Variants in DOK6 observed in about 807,000 individuals in gnomAD.
The protein encoded by DOK6 is docking protein 6.
Under a neutral mutation model 44.0 loss-of-function variants are expected in DOK6, and 22 were observed. That is an observed-to-expected ratio of 0.50 (90% CI 0.36 to 0.71). The LOEUF is 0.71. Among genes scored for constraint, DOK6 ranks in the 30% least tolerant of loss-of-function variants. The pLI is 0.00. For missense variants in DOK6, 340 were observed against 416.4 expected (o/e 0.82, Z 1.60); for synonymous variants, 166 against 145.5 (o/e 1.14, Z -1.01).
At chr18:69,625,036 A>G (rs981395314) in intron 3 of DOK6, among the ~76,000 whole-genome samples, 1 of 152,156 alleles carries the variant, frequency 6.6e-6, no homozygotes, top group Non-Finnish European at 1.5e-5. Flanking sequence ...CACATTCTAG[A>G]ACAACTTGAC....
chr18:69,606,672 G>T (rs371868132), intron 3 of DOK6, among the ~76,000 whole-genome samples: 1 of 150,874 alleles, frequency 6.6e-6, no homozygotes, highest in Non-Finnish European at 1.5e-5. Flanking sequence ...TAGGACAAAC[G>T]AATTCAGTGA....
intron 5 of DOK6, chr18:69,704,997 T>A (rs777243492): frequency 6.6e-6 from 1 of 152,214 alleles, no homozygotes; most frequent in South Asian, 2.1e-4. Context: ...AGGGTCTTTA[T>A]CCAGAATTAA....
At chr18:69,613,098 T>C (rs1984201688) in intron 3 of DOK6, among the ~76,000 whole-genome samples, 2 of 152,186 alleles carry the variant, frequency 1.3e-5, no homozygotes, top group Admixed American at 1.3e-4. Context: ...CTCGAACTCC[T>C]GGGCTCAAGC....
chr18:69,719,173 T>G (rs563484796), intron 5 of DOK6, among the ~76,000 whole-genome samples: 4 of 152,290 alleles, frequency 2.6e-5, no homozygotes, highest in African/African-American at 9.6e-5. Flanking sequence ...CAAACCTGCC[T>G]CTCCAAGAGT....
chr18:69,841,791 G>T lies in DOK6; in HGVS notation c.*408G>T, dbSNP rs1418884187. The T allele has an allele frequency of 1.2e-5, 2 of 166,014 alleles. No homozygotes were observed. The highest frequency in any genetic ancestry group is 4.8e-5 in the African/African-American group (2 of 42,018). The allele number at this position is 166,014 out of a possible 1,614,324, so 10.3% of individuals were successfully genotyped here. ...ACAGGGTCTGTCCTTAGACATAATGGTGACCCTCCACAAGCTCTGTGGCTT... is the reference window on the plus strand; with the variant it reads ...ACAGGGTCTGTCCTTAGACATAATGTTGACCCTCCACAAGCTCTGTGGCTT... On this transcript the variant is annotated 3_prime_UTR_variant, in exon 8 of 8. Coordinates refer to ENST00000382713, the MANE Select transcript of DOK6 (RefSeq NM_152721.6).
chr18:69,503,521 G>A (rs1981102637), intron 1 of DOK6, among the ~76,000 whole-genome samples: 1 of 152,012 alleles, frequency 6.6e-6, no homozygotes, highest in African/African-American at 2.4e-5. Context: ...AGTAAGTATG[G>A]TTGAATTTTC....
intron 1 of DOK6, among the ~76,000 whole-genome samples, chr18:69,412,927 T>C (rs1361440239): frequency 6.6e-6 from 1 of 152,104 alleles, no homozygotes. Context: ...AGTGGAGGAA[T>C]CTTCACAGGG....
chr18:69,471,652 A>G (rs1980116907), intron 1 of DOK6: 1 of 150,632 alleles, frequency 6.6e-6, no homozygotes, highest in East Asian at 1.9e-4. Flanking sequence ...CACGGAGAAG[A>G]GAGAAAAGGA....
chr18:69,597,345 A>G (rs1297179690), intron 2 of DOK6, among the ~76,000 whole-genome samples: 1 of 152,230 alleles, frequency 6.6e-6, no homozygotes, highest in Non-Finnish European at 1.5e-5. Flanking sequence ...GTTGCAAATC[A>G]TGAATGAATT....
intron 1 of DOK6, among the ~76,000 whole-genome samples, chr18:69,461,418 G>A (rs1193063814): frequency 1.3e-5 from 2 of 152,084 alleles, no homozygotes; most frequent in African/African-American, 4.8e-5. Flanking sequence ...GCTGGCAGGG[G>A]CTCCTCAGTT....
At chr18:69,598,184 A>G (rs1016258749) in intron 2 of DOK6, among the ~76,000 whole-genome samples, 2 of 151,856 alleles carry the variant, frequency 1.3e-5, no homozygotes, top group Non-Finnish European at 1.5e-5. Context: ...ATAAAATATT[A>G]TTTCCTTAGG....
chr18:69,488,679 C>A (rs4891748), intron 1 of DOK6, among the ~76,000 whole-genome samples: 118,607 of 151,998 alleles, frequency 0.78, 46,436 homozygotes, highest in African/African-American at 0.8. Flanking sequence ...AGATCCTGTA[C>A]GACTTATTCA....
At chr18:69,518,182 T>C (rs1981585420) in intron 1 of DOK6, among the ~76,000 whole-genome samples, 1 of 152,186 alleles carries the variant, frequency 6.6e-6, no homozygotes, top group East Asian at 1.9e-4. Context: ...AATTGAAAAT[T>C]TGTTTCCATA....
At chr18:69,656,868 T>C (rs1440019761) in intron 3 of DOK6, among the ~76,000 whole-genome samples, 6 of 152,162 alleles carry the variant, frequency 3.9e-5, no homozygotes, top group Non-Finnish European at 5.9e-5. Flanking sequence ...GAATGCAACT[T>C]CTCAGGTTGC....
intron 4 of DOK6, among the ~76,000 whole-genome samples, chr18:69,693,787 G>A (rs763984225): frequency 3.9e-5 from 6 of 152,040 alleles, no homozygotes; most frequent in Non-Finnish European, 7.4e-5. Flanking sequence ...GGCCGGGCGC[G>A]GTGGTTCACG....
chr18:69,444,562 C>T (rs534164964), intron 1 of DOK6, among the ~76,000 whole-genome samples: 47 of 151,814 alleles, frequency 3.1e-4, no homozygotes, highest in African/African-American at 1.1e-3. Flanking sequence ...TCCTTAGTGC[C>T]GAATACCATA....
At chr18:69,744,375 A>G (rs1978908752) in intron 6 of DOK6, among the ~76,000 whole-genome samples, 1 of 151,594 alleles carries the variant, frequency 6.6e-6, no homozygotes, top group African/African-American at 2.4e-5. Context: ...TGATTTTATC[A>G]CTCAATATTA....
At position 69,830,183 on chromosome 18, in the gene DOK6, A is replaced by G. The variant is rs574819429; in HGVS notation, c.857-11061A>G. On this transcript the variant is annotated intron_variant, in intron 7 of 7. Transcript: ENST00000382713. ...AGTTTTTGTTACCAATTATACCTCA[A>G]TGAAGCTGGAAGAAAAAAAGTCCCT... Among the ~76,000 whole-genome samples, 8 of 152,292 alleles carry G rather than the reference A, an allele frequency of 5.3e-5. No homozygotes were observed. The South Asian group carries it at 8.3e-4, about 16-fold the overall frequency.
chr18:69,644,838 G>C (rs1041466462), intron 3 of DOK6, among the ~76,000 whole-genome samples: 1 of 152,082 alleles, frequency 6.6e-6, no homozygotes, highest in Non-Finnish European at 1.5e-5. Flanking sequence ...AGTAACAGGT[G>C]GACTTGTTAT....
Sources: allele counts gnomAD v4.1 joint callset (sites outside exome capture counted in the v4.1 genomes callset), GRCh38; gene constraint gnomAD v4.1.1; transcripts MANE v1.5; gene names NCBI Gene and HGNC (gene_info 2026-07-23, HGNC 2026-07-21).